The following SHISAL2B variants were observed in gnomAD, a reference collection of about 807,000 sequenced individuals.
SHISAL2B encodes shisa like 2B.
Under a neutral mutation model 16.5 loss-of-function variants are expected in SHISAL2B, and 12 were observed. That is an observed-to-expected ratio of 0.73 (90% CI 0.47 to 1.18). The LOEUF (loss-of-function observed/expected upper bound fraction) is 1.18. Ranked by LOEUF, SHISAL2B falls within the 50% of genes most tolerant of loss-of-function variation. The pLI is 0.00. For missense variants in SHISAL2B, 183 were observed against 193.6 expected, an observed-to-expected ratio of 0.95 and a Z score of 0.33; for synonymous variants, 72 against 75.0, an observed-to-expected ratio of 0.96 and a Z score of 0.21.
rs1044379592 is a variant in SHISAL2B at position 64,714,356 on chromosome 5, G to A, written c.350-3533G>A. On this transcript the variant is annotated intron_variant, in intron 2 of 2. Coordinates refer to ENST00000389074, the MANE Select transcript of SHISAL2B (RefSeq NM_001164442.2). ...TGCCTCCCAGTTAGGTTGCTCGGGG[G>A]TCAGGGGTCAGGGACCCACTTGAGG... 1.5e-3 allele frequency among the ~76,000 whole-genome samples: 221 copies of A among 145,358 alleles called. 4 individuals carry two copies. The highest frequency in any genetic ancestry group is 4.7e-3 in the African/African-American group (172 of 36,570).
At chr5:64,697,358 T>A (rs983967597) in intron 2 of SHISAL2B, among the ~76,000 whole-genome samples, 1 of 152,224 alleles carries the variant, frequency 6.6e-6, no homozygotes, top group Admixed American at 6.5e-5. Context: ...GAAGATGTAT[T>A]GACCAGATTG....
In SHISAL2B at chr5:64,690,614, C is replaced by T. The variant is rs1399951470; in HGVS notation, c.-10C>T. The T allele has an allele frequency of 8.1e-6, 12 of 1,480,200 alleles. No individual in the cohort carries two copies. The highest frequency in any genetic ancestry group is 6.4e-5 in the Admixed American group (3 of 46,746). The allele number at this position is 1,480,200 out of a possible 1,614,324, so 91.7% of individuals were successfully genotyped here. A position where few individuals can be genotyped will look rare whatever the true frequency, so the allele number is the denominator to read the frequency against. On this transcript the variant is annotated 5_prime_UTR_variant, in exon 1 of 3. Transcript: ENST00000389074. ...GGGCCCTCGCGAGCCTCTCCCGGCC[C>T]CTGCCCGCGATGAGCGAGGCCAGCC...
At chr5:64,711,477 A>G (rs1214846305) in intron 2 of SHISAL2B, among the ~76,000 whole-genome samples, 1 of 135,364 alleles carries the variant, frequency 7.4e-6, no homozygotes, top group Non-Finnish European at 1.6e-5. Context: ...AATGTTCATC[A>G]AGGATATTGG....
intron 2 of SHISAL2B, among the ~76,000 whole-genome samples, chr5:64,716,650 G>A (rs1409021685): frequency 6.6e-6 from 1 of 152,128 alleles, no homozygotes; most frequent in Non-Finnish European, 1.5e-5. Context: ...GAGTTATTGT[G>A]CAGATTATCT....
chr5:64,700,148 G>A (rs1393590466), intron 2 of SHISAL2B, among the ~76,000 whole-genome samples: 1 of 150,582 alleles, frequency 6.6e-6, no homozygotes, highest in Non-Finnish European at 1.5e-5. Context: ...ACCCTTCTGA[G>A]TCTACACTCT....
chr5:64,694,932 A>G (rs1741710728), intron 1 of SHISAL2B, among the ~76,000 whole-genome samples: 1 of 152,188 alleles, frequency 6.6e-6, no homozygotes, highest in South Asian at 2.1e-4. Context: ...TGTGACCTTT[A>G]ACCTATAATA....
intron 2 of SHISAL2B, among the ~76,000 whole-genome samples, chr5:64,697,701 G>A (rs1333708641): frequency 6.6e-6 from 1 of 152,054 alleles, no homozygotes; most frequent in Non-Finnish European, 1.5e-5. Flanking sequence ...TAGGATTTAT[G>A]TATGTATTTA....
At chr5:64,707,413 A>G (rs542368718) in intron 2 of SHISAL2B, among the ~76,000 whole-genome samples, 18 of 152,208 alleles carry the variant, frequency 1.2e-4, no homozygotes, top group Admixed American at 5.9e-4. Flanking sequence ...GGAGCCCTCT[A>G]CGGGGACCGT....
intron 1 of SHISAL2B, chr5:64,694,165 T>A: frequency 2.2e-6 from 1 of 449,202 alleles, no homozygotes; most frequent in Non-Finnish European, 4.4e-6. Context: ...AAGAAAAAGA[T>A]CATTACTTTT....
At chr5:64,693,180 T>G (rs546831879) in intron 1 of SHISAL2B, among the ~76,000 whole-genome samples, 7 of 152,178 alleles carry the variant, frequency 4.6e-5, no homozygotes, top group East Asian at 1.9e-4. Flanking sequence ...GCTAATTTTT[T>G]GTATTTTTAG....
chr5:64,706,084 C>T (rs1342565417), intron 2 of SHISAL2B, among the ~76,000 whole-genome samples: 1 of 152,144 alleles, frequency 6.6e-6, no homozygotes, highest in Non-Finnish European at 1.5e-5. Flanking sequence ...TTCTTGAACC[C>T]AGGAGGTAGA....
At chr5:64,705,404 A>T (rs1344540317) in intron 2 of SHISAL2B, among the ~76,000 whole-genome samples, 1 of 152,204 alleles carries the variant, frequency 6.6e-6, no homozygotes, top group Admixed American at 6.5e-5. Context: ...AACACCTTGA[A>T]CGTCTGATTA....
Position 64,717,939 on chromosome 5 carries a change from G to A in SHISAL2B, c.400G>A (p.Ala134Thr). 1 of 1,522,190 alleles carries A rather than the reference G, an allele frequency of 6.6e-7. No homozygotes were observed. The highest frequency in any genetic ancestry group is 8.7e-7 in the Non-Finnish European group (1 of 1,143,498). 94.3% of individuals were successfully genotyped at this position (1,522,190 alleles called of 1,614,324 possible). ...CCTCAATTCAAATGCAGCATCAAAT[G>A]CAACAAATGAAACATACTATGAAGC... ...KALNSNAASN[A>T]TNETYYEADD... Residue 134 changes from alanine to threonine, a missense_variant, in exon 3 of 3, where the codon GCA becomes ACA. Coordinates refer to ENST00000389074, the MANE Select transcript of SHISAL2B (RefSeq NM_001164442.2).
intron 2 of SHISAL2B, among the ~76,000 whole-genome samples, chr5:64,717,020 GAA>G (rs1442673781): frequency 6.6e-6 from 1 of 152,168 alleles, no homozygotes; most frequent in Non-Finnish European, 1.5e-5. Flanking sequence ...TAGGGTGAGA[GAA>G]AAGAGAGGCA....
intron 2 of SHISAL2B, among the ~76,000 whole-genome samples, chr5:64,712,893 T>C (rs1741979876): frequency 6.7e-6 from 1 of 150,310 alleles, no homozygotes; most frequent in Admixed American, 6.6e-5. Context: ...ATTTGCTTGG[T>C]AGATCTTCCT....
chr5:64,690,507 C>G lies in SHISAL2B; in HGVS notation c.-117C>G, dbSNP rs1233477313. 2.6e-6 allele frequency: 2 copies of G among 784,164 alleles called. No individual in the cohort carries two copies. The highest frequency in any genetic ancestry group is 3.6e-6 in the Non-Finnish European group (2 of 552,208). The allele number at this position is 784,164 out of a possible 1,614,324, so 48.6% of individuals were successfully genotyped here. ...AGGCTGAGCGCCCAGGCAGCCAGAG[C>G]CCAGATCGGAAGAGCCGAGTCCGGG... On this transcript the variant is annotated 5_prime_UTR_variant, in exon 1 of 3. Coordinates refer to ENST00000389074, the MANE Select transcript of SHISAL2B (RefSeq NM_001164442.2).
At chr5:64,701,563 G>T (rs1741810308) in intron 2 of SHISAL2B, among the ~76,000 whole-genome samples, 1 of 152,096 alleles carries the variant, frequency 6.6e-6, no homozygotes, top group African/African-American at 2.4e-5. Context: ...CAAAGAGAAG[G>T]GTTCTTAGAA....
At chr5:64,716,924 T>G (rs1742064397) in intron 2 of SHISAL2B, among the ~76,000 whole-genome samples, 1 of 152,128 alleles carries the variant, frequency 6.6e-6, no homozygotes, top group Admixed American at 6.6e-5. Flanking sequence ...AACAGAATAG[T>G]GGTAGCAGTG....
intron 2 of SHISAL2B, among the ~76,000 whole-genome samples, chr5:64,709,527 A>G (rs1198073097): frequency 1.3e-5 from 2 of 150,696 alleles, no homozygotes; most frequent in Admixed American, 1.3e-4. Context: ...TAGCAGCATG[A>G]TTTATAGTCA....
Sources: allele counts gnomAD v4.1 joint callset (sites outside exome capture counted in the v4.1 genomes callset), GRCh38; gene constraint gnomAD v4.1.1; transcripts MANE v1.5; gene names NCBI Gene and HGNC (gene_info 2026-07-23, HGNC 2026-07-21).